The following PALB2 variants were observed in gnomAD, a reference collection of about 807,000 sequenced individuals.
PALB2 encodes the protein mutant partner and localizer of BRCA2.
A neutral mutation model predicts 107.4 loss-of-function variants in PALB2; 82 were observed. The observed-to-expected ratio is 0.76, with a 90% CI of 0.64 to 0.92. The LOEUF (loss-of-function observed/expected upper bound fraction) is 0.92. Among genes scored for constraint, PALB2 ranks in the 40% least tolerant of loss-of-function variants. The pLI is 0.00. For missense variants in PALB2, 1,374 were observed against 1,379.9 expected (o/e 1.00, Z 0.07); for synonymous variants, 489 against 496.8 (o/e 0.98, Z 0.21).
rs1358484245 is a variant in PALB2, at chr16:23,635,416, T to G, written c.1130A>C (p.Gln377Pro). Residue 377 changes from glutamine to proline, a missense_variant, in exon 4 of 13, where the codon CAA (glutamine) becomes CCA (proline). Physicochemically the swap from Gln to Pro is moderately conservative, Grantham distance 76. Coordinates refer to ENST00000261584, the MANE Select transcript of PALB2 (RefSeq NM_024675.4). ...TGCTTCCAGGCTAAGACTCTTAGGT[T>G]GACTTAGAATCTCACTTTCCTGAAG... ...ENLQESEILS[Q>P]PKSLSLEATS... The G allele has an allele frequency of 5.0e-6, 8 of 1,613,848 alleles. No homozygotes were observed. The highest frequency in any genetic ancestry group is 6.8e-6 in the Non-Finnish European group (8 of 1,179,876).
At chr16:23,626,582 C>A (rs1966843237) in intron 6 of PALB2, among the ~76,000 whole-genome samples, 185 bp from the exon 7 acceptor site, 1 of 152,150 alleles carries the variant, frequency 6.6e-6, no homozygotes, top group South Asian at 2.1e-4. Flanking sequence ...ATCAAACTTA[C>A]ATCATGAAAG....
At chr16:23,638,771 C>T (rs1967129834) in intron 1 of PALB2, among the ~76,000 whole-genome samples, 1 of 152,156 alleles carries the variant, frequency 6.6e-6, no homozygotes. Flanking sequence ...GGCCTACTGA[C>T]AGGGACTACT....
intron 5 of PALB2, 87 bp from the exon 6 acceptor site, chr16:23,629,362 ATTGTCT>A (rs1966854478): frequency 1.6e-6 from 2 of 1,213,800 alleles, no homozygotes; most frequent in Non-Finnish European, 2.4e-6. Flanking sequence ...TCTACTTCGT[ATTGTCT>A]TTATTTCCTC....
chr16:23,623,086 A>T lies in PALB2; in HGVS notation c.2879T>A (p.Leu960Gln), dbSNP rs1966803595. The T allele has an allele frequency of 6.2e-7, 1 of 1,614,026 alleles. No individual in the cohort carries two copies. Among genetic ancestry groups the T allele is most frequent in the Admixed American group, 1.7e-5 (1 of 59,998 alleles). Residue 960 changes from leucine to glutamine, a missense_variant, in exon 9 of 13, where the codon CTA (leucine) becomes CAA (glutamine). Leu to Gln is a moderately radical substitution (Grantham distance 113). Coordinates refer to ENST00000261584, the MANE Select transcript of PALB2 (RefSeq NM_024675.4). ...SSDDESEKQV[L>Q]LKSGNIKAVL... is the part of the protein sequence containing the mutation. Reference sequence around the variant, plus strand: ...AGCTTTTATATTTCCAGACTTCAGTAGTACTTGCTTTTCACTTTCATCATC... The same window carrying T: ...AGCTTTTATATTTCCAGACTTCAGTTGTACTTGCTTTTCACTTTCATCATC...
In PALB2 at chr16:23,607,995, G is replaced by C. The variant is rs876658924; in HGVS notation, c.3219C>G (p.Val1073=). 3 of 1,613,782 alleles carry C rather than the reference G, an allele frequency of 1.9e-6. No individual in the cohort carries two copies. The highest frequency in any genetic ancestry group is 2.5e-6 in the Non-Finnish European group (3 of 1,179,882). ...TCTCTTTGGCACAGGGATGACTCAG[G>C]ACAATAAAGAGAAGCCCCTAATTTC... ...AYSEMGLLFI[V]LSHPCAKESE... is the part of the protein sequence containing the mutation. Residue 1073 remains valine, a synonymous_variant, in exon 12 of 13, where the codon GTC becomes GTG. Coordinates refer to ENST00000261584, the MANE Select transcript of PALB2 (RefSeq NM_024675.4).
intron 3 of PALB2, among the ~76,000 whole-genome samples, chr16:23,637,099 T>C (rs1967081144): frequency 6.6e-6 from 1 of 151,638 alleles, no homozygotes; most frequent in Non-Finnish European, 1.5e-5. Flanking sequence ...AATACAAAAA[T>C]TAGCTGGGCG....
rs1266683395 is a variant in PALB2, at chr16:23,626,409, G to A, written c.2587-12C>T. 2 of 1,613,970 alleles carry A rather than the reference G, an allele frequency of 1.2e-6. No individual in the cohort carries two copies. Among genetic ancestry groups the A allele is most frequent in the Admixed American group, 3.3e-5 (2 of 59,998 alleles). On this transcript the variant is annotated splice_polypyrimidine_tract_variant and intron_variant, in intron 6 of 12. Coordinates refer to ENST00000261584, the MANE Select transcript of PALB2 (RefSeq NM_024675.4). Reference sequence around the variant, plus strand: ...GAACCTGAAGGATTCTGACACAATGGCAACAGTTCTGTTAAAGTGGCACTC... The same window carrying A: ...GAACCTGAAGGATTCTGACACAATGACAACAGTTCTGTTAAAGTGGCACTC...
At position 23,636,142 on chromosome 16, in the gene PALB2, G is replaced by A. The variant is rs1597099361; in HGVS notation, c.404C>T (p.Pro135Leu). 6.2e-7 allele frequency: 1 copy of A among 1,613,080 alleles called. No homozygotes were observed. The highest frequency in any genetic ancestry group is 8.5e-7 in the Non-Finnish European group (1 of 1,179,686). The change falls in exon 4 of 13, where the codon CCT becomes CTT. Residue 135 changes from proline to leucine, a missense_variant. Pro to Leu is a moderately conservative substitution (Grantham distance 98, BLOSUM62 -3). Transcript: ENST00000261584. The part of the protein sequence containing the change: ...QEHFPHRVSD[P>L]SGEQKQKLPS... ...CAGCTTCTGCTTTTGCTCACCACTA[G>A]GGTCACTGACCCTGTGGGGAAAATG...
chr16:23,628,904 G>A (rs1278745051), intron 6 of PALB2, among the ~76,000 whole-genome samples: 1 of 152,214 alleles, frequency 6.6e-6, no homozygotes, highest in East Asian at 1.9e-4. Flanking sequence ...AAAGTGCTGA[G>A]ATTATAGGGG....
intron 10 of PALB2, among the ~76,000 whole-genome samples, chr16:23,619,806 A>G (rs1966742091): frequency 6.6e-6 from 1 of 150,762 alleles, no homozygotes; most frequent in South Asian, 2.1e-4. Flanking sequence ...TTGAGACAGA[A>G]TCTTGCTCTG....
intron 6 of PALB2, 72 bp downstream of exon 6, chr16:23,629,132 C>A: frequency 8.5e-7 from 1 of 1,178,404 alleles, no homozygotes. Context: ...AGCTATATGA[C>A]TGAATTCTTT....
intron 10 of PALB2, among the ~76,000 whole-genome samples, chr16:23,615,076 G>A (rs1318980911): frequency 6.6e-6 from 1 of 150,568 alleles, no homozygotes; most frequent in Non-Finnish European, 1.5e-5. Context: ...AGCCTTCCAA[G>A]TAGCTGGGAT....
chr16:23,612,838 C>T (rs1416088290), intron 11 of PALB2, among the ~76,000 whole-genome samples: 3 of 151,986 alleles, frequency 2.0e-5, no homozygotes, highest in South Asian at 2.1e-4. Context: ...CTGCAACCTC[C>T]GCCTCCTGGG....
At chr16:23,639,321 T>TC (rs903011181) in intron 1 of PALB2, among the ~76,000 whole-genome samples, 13 of 151,406 alleles carry the variant, frequency 8.6e-5, no homozygotes, top group Non-Finnish European at 1.6e-4. Flanking sequence ...TCATTTGAGG[T>TC]CAAGAGTTCG....
At chr16:23,631,109 C>CAAAAAAAAAA (rs58841030) in intron 4 of PALB2, among the ~76,000 whole-genome samples, 7 of 58,370 alleles carry the variant, frequency 1.2e-4, no homozygotes, top group African/African-American at 1.8e-4. Context: ...ACTAAAAATA[C>CAAAAAAAAAA]AAAAAAAAAA....
chr16:23,603,745 C>A, intron 12 of PALB2, 76 bp from the exon 13 acceptor site: 5 of 1,357,424 alleles, frequency 3.7e-6, no homozygotes, highest in Non-Finnish European at 5.1e-6. Flanking sequence ...AGGTCAAAAC[C>A]ATGTTCCCAA....
At chr16:23,612,540 T>C (rs898228941) in intron 11 of PALB2, among the ~76,000 whole-genome samples, 56 of 150,666 alleles carry the variant, frequency 3.7e-4, no homozygotes, top group Admixed American at 7.3e-4. Context: ...TTTTTTTTTT[T>C]TTTTGAGACA....
At chr16:23,612,822 G>A (rs1157413707) in intron 11 of PALB2, among the ~76,000 whole-genome samples, 4 of 151,768 alleles carry the variant, frequency 2.6e-5, no homozygotes, top group South Asian at 2.1e-4. Context: ...GTGCAATCTC[G>A]GCTCACTGCA....
At chr16:23,625,623 C>T (rs1049460445) in intron 7 of PALB2, among the ~76,000 whole-genome samples, 5 of 151,838 alleles carry the variant, frequency 3.3e-5, no homozygotes, top group African/African-American at 9.7e-5. Flanking sequence ...GGCAAAATCC[C>T]GTCTCTACTA....
Sources: allele counts gnomAD v4.1 joint callset (sites outside exome capture counted in the v4.1 genomes callset), GRCh38; gene constraint gnomAD v4.1.1; transcripts MANE v1.5; gene names NCBI Gene and HGNC (gene_info 2026-07-23, HGNC 2026-07-21).